The following JAK1 variants were observed in gnomAD, a reference collection of about 807,000 sequenced individuals.
JAK1 encodes tyrosine-protein kinase JAK1.
JAK1 carries 16 observed loss-of-function variants against 136.6 expected under a neutral mutation model. That is an observed-to-expected ratio of 0.12 (90% confidence interval 0.08 to 0.18). JAK1 has a LOEUF of 0.18. JAK1 is among the 10% of genes least tolerant of loss of function. JAK1 has a pLI of 1.00. For synonymous variants in JAK1, 492 were observed against 519.5 expected, an observed-to-expected ratio of 0.95 and a Z score of 0.72; for missense variants, 859 against 1,450.1, an observed-to-expected ratio of 0.59 and a Z score of 6.62.
chr1:64,844,076 C>T lies in JAK1; in HGVS notation c.2391G>A (p.Lys797=), dbSNP rs2100989480. ...CYNGEIPLKD[K]TLIEKERFYE... is the part of the protein sequence containing the mutation. ...AACACCTGCTCACCTCAATCAGCGT[C>T]TTGTCTTTCAAGGGGATCTCGCCAT... Residue 797 remains lysine, a synonymous_variant, in exon 17 of 25, where the codon AAG becomes AAA. Transcript: ENST00000342505. This position sits in a 1 kb window ranked among gnomAD's most constrained non-coding sequence, Gnocchi z 5.7. 1 of 1,614,158 alleles carries T rather than the reference C, an allele frequency of 6.2e-7. No homozygotes were observed. Among genetic ancestry groups the T allele is most frequent in the Non-Finnish European group, 8.5e-7 (1 of 1,180,032 alleles).
chr1:64,916,276 G>T (rs1333249345), intron 1 of JAK1, among the ~76,000 whole-genome samples: 2 of 152,186 alleles, frequency 1.3e-5, no homozygotes, highest in South Asian at 4.1e-4. Flanking sequence ...TGTGAATCAA[G>T]AATAAAATGT....
chr1:64,968,859 G>A (rs554732275), upstream of JAK1, among the ~76,000 whole-genome samples: 15 of 151,592 alleles, frequency 9.9e-5, no homozygotes, highest in Non-Finnish European at 1.5e-4. Flanking sequence ...TTGAAGCCGG[G>A]AGGCAGAGTT....
intron 2 of JAK1, among the ~76,000 whole-genome samples, chr1:64,975,517 G>T (rs1646490793): frequency 6.6e-6 from 1 of 152,224 alleles, no homozygotes; most frequent in African/African-American, 2.4e-5. Flanking sequence ...CTGAAGGGAA[G>T]CTTAGAAGTG....
chr1:64,843,969 T>C lies in JAK1; in HGVS notation c.2403+95A>G. The C allele has an allele frequency of 4.2e-6, 6 of 1,427,846 alleles. 1 individual carries two copies. The highest frequency in any genetic ancestry group is 5.8e-6 in the Non-Finnish European group (6 of 1,028,298). The allele number at this position is 1,427,846 out of a possible 1,614,324, so 88.4% of individuals were successfully genotyped here. ...GAAGAGATTCAAACCCATGCCCATC[T>C]CTTCCCACAGTGCCAGGCTTCCGAC... On this transcript the variant is annotated intron_variant, in intron 17 of 24. Coordinates refer to ENST00000342505, the MANE Select transcript of JAK1 (RefSeq NM_002227.4).
intron 1 of JAK1, among the ~76,000 whole-genome samples, chr1:64,960,244 T>TA (rs1168605882): frequency 3.3e-5 from 5 of 152,180 alleles, no homozygotes; most frequent in Non-Finnish European, 5.9e-5. Flanking sequence ...AAATAAAATG[T>TA]AAAAATAGCT....
chr1:64,836,148 T>C lies in JAK1; in HGVS notation c.3208A>G (p.Thr1070Ala). The C allele has an allele frequency of 6.2e-7, 1 of 1,613,152 alleles. No individual in the cohort carries two copies. The highest frequency in any genetic ancestry group is 8.5e-7 in the Non-Finnish European group (1 of 1,179,362). ...CAGTAAGTCAGCAGCTCATGCAGAG[T>C]GACTCCAAAAGACCAGACGTCAGAG... is the stretch of plus-strand genomic sequence containing the variant. ...IASDVWSFGV[T>A]LHELLTYCDS... Residue 1070 changes from threonine (T) to alanine (A), a missense_variant, in exon 23 of 25, where the codon ACT becomes GCT. Around this residue, in one of 4 missense-constraint regions of JAK1, gnomAD observed 44 missense variants for 137.6 expected, o/e 0.32. Transcript: ENST00000342505.
At chr1:65,005,110 A>C (rs952902800) in intron 2 of JAK1, among the ~76,000 whole-genome samples, 3 of 152,216 alleles carry the variant, frequency 2.0e-5, no homozygotes, top group Admixed American at 2.0e-4. Flanking sequence ...ACAAACAAAC[A>C]AACAAAAAGC....
chr1:64,881,577 T>C (rs1043327556), intron 3 of JAK1, among the ~76,000 whole-genome samples: 1 of 152,216 alleles, frequency 6.6e-6, no homozygotes, highest in African/African-American at 2.4e-5. Flanking sequence ...ACCTGTGGCA[T>C]TCAGTATGTA....
intron 1 of JAK1, among the ~76,000 whole-genome samples, chr1:64,902,785 T>A (rs1453968761): frequency 1.3e-5 from 2 of 152,136 alleles, no homozygotes; most frequent in African/African-American, 2.4e-5. Context: ...GCTGATTGTA[T>A]GCCATTGTCC....
At chr1:65,053,270 C>T (rs111262286) in intron 1 of JAK1, among the ~76,000 whole-genome samples, 1 of 151,908 alleles carries the variant, frequency 6.6e-6, no homozygotes, top group African/African-American at 2.4e-5. Context: ...TCGCTTGACC[C>T]GGGAGGCGGA....
At chr1:64,933,201 G>A (rs1421756961) in intron 1 of JAK1, among the ~76,000 whole-genome samples, 1 of 152,170 alleles carries the variant, frequency 6.6e-6, no homozygotes, top group Admixed American at 6.6e-5. Context: ...GTACAAAGAA[G>A]TTAGGTTTTA....
intron 2 of JAK1, chr1:64,993,643 T>A (rs1318070905): frequency 6.6e-6 from 1 of 152,056 alleles, no homozygotes; most frequent in Non-Finnish European, 1.5e-5. Context: ...TATTTTTATT[T>A]ATTTATGTAT....
chr1:65,047,559 A>T (rs1388181010), intron 1 of JAK1, among the ~76,000 whole-genome samples: 1 of 152,138 alleles, frequency 6.6e-6, no homozygotes, highest in Non-Finnish European at 1.5e-5. Flanking sequence ...TCTACTAAAA[A>T]TACAAAACAA....
intron 1 of JAK1, among the ~76,000 whole-genome samples, chr1:65,061,863 A>G (rs1404513590): frequency 6.6e-6 from 1 of 152,206 alleles, no homozygotes; most frequent in African/African-American, 2.4e-5. Flanking sequence ...TTTATGGAAA[A>G]AGAAATAGGC....
chr1:65,015,593 A>G (rs1646886021), intron 2 of JAK1, among the ~76,000 whole-genome samples: 2 of 152,230 alleles, frequency 1.3e-5, no homozygotes, highest in South Asian at 2.1e-4. Context: ...GTTAATTAAA[A>G]TGAATAAAAT....
At chr1:64,905,003 C>T (rs896425665) in intron 1 of JAK1, among the ~76,000 whole-genome samples, 1 of 152,100 alleles carries the variant, frequency 6.6e-6, no homozygotes, top group Non-Finnish European at 1.5e-5. Context: ...AGAAAATAAC[C>T]CAAAGAGGGA....
chr1:65,014,809 C>T (rs192182033), intron 2 of JAK1, among the ~76,000 whole-genome samples: 2,309 of 151,972 alleles, frequency 0.015, 59 homozygotes, highest in African/African-American at 0.054. Flanking sequence ...CTCAGCCTCC[C>T]GAATAGCTGG....
In JAK1 at chr1:64,841,549, T is replaced by G; in HGVS notation, c.2456A>C (p.Glu819Ala). 2 of 1,614,144 alleles carry G rather than the reference T, an allele frequency of 1.2e-6. No homozygotes were observed. The highest frequency in any genetic ancestry group is 1.7e-6 in the Non-Finnish European group (2 of 1,180,020). Reference protein sequence around the residue: ...RCRPVTPSCKELADLMTRCMN... With the variant: ...RCRPVTPSCKALADLMTRCMN... ...GCAGCGGGTCATGAGGTCAGCCAGC[T>G]CCTTACATGATGGTGTCACTGGCCT... Residue 819 changes from glutamate (E) to alanine (A), a missense_variant, in exon 18 of 25, where the codon GAG (glutamate) becomes GCG (alanine). Glu to Ala is a moderately radical substitution (Grantham distance 107, BLOSUM62 -1). Around this residue, in one of 4 missense-constraint regions of JAK1, gnomAD observed 409 missense variants for 753.8 expected, o/e 0.54. Coordinates refer to ENST00000342505, the MANE Select transcript of JAK1 (RefSeq NM_002227.4).
chr1:65,065,968 G>A (rs186919841), intron 1 of JAK1, among the ~76,000 whole-genome samples: 1 of 151,730 alleles, frequency 6.6e-6, no homozygotes, highest in Non-Finnish European at 1.5e-5. Context: ...AACATCTGCA[G>A]ATCACAACTT....
Sources: allele counts gnomAD v4.1 joint callset (sites outside exome capture counted in the v4.1 genomes callset), GRCh38; gene constraint gnomAD v4.1.1; regional missense constraint gnomAD v4.1.1; non-coding constraint Gnocchi (gnomAD v3.1); transcripts MANE v1.5; gene names NCBI Gene and HGNC (gene_info 2026-07-23, HGNC 2026-07-21).